CACNB2: variants seen among roughly 807,000 people sequenced by gnomAD.
CACNB2 encodes the protein calcium voltage-gated channel auxiliary subunit beta 2, also known as voltage-dependent L-type calcium channel subunit beta-2.
CACNB2 carries 42 observed loss-of-function variants against 73.3 expected under a neutral mutation model. The observed-to-expected ratio is 0.57, with a 90% CI of 0.45 to 0.74. The LOEUF is 0.74. CACNB2 is among the 30% of genes least tolerant of loss of function. The pLI, the probability that CACNB2 is intolerant of heterozygous loss-of-function variation, is 0.00. For synonymous variants in CACNB2, 348 were observed against 310.3 expected (o/e 1.12, Z -1.28); for missense variants, 940 against 853.0 (o/e 1.10, Z -1.27).
intron 9 of CACNB2, among the ~76,000 whole-genome samples, chr10:18,520,871 C>T (rs755725735): frequency 7.9e-5 from 12 of 152,206 alleles, no homozygotes; most frequent in Non-Finnish European, 1.5e-4. Flanking sequence ...CACATGCACA[C>T]ATTTGTTCTG....
intron 2 of CACNB2, among the ~76,000 whole-genome samples, chr10:18,212,360 TG>T (rs2035351708): frequency 1.4e-5 from 1 of 73,748 alleles, no homozygotes; most frequent in Non-Finnish European, 3.6e-5. Flanking sequence ...TGCCATATAT[TG>T]TGTTTTTTTG....
chr10:18,484,964 G>A (rs1431796777), intron 3 of CACNB2, among the ~76,000 whole-genome samples: 1 of 152,048 alleles, frequency 6.6e-6, no homozygotes. Context: ...AGACCAGCCT[G>A]GACAACATAG....
At chr10:18,397,984 A>C (rs1261670330) in intron 2 of CACNB2, among the ~76,000 whole-genome samples, 1 of 152,194 alleles carries the variant, frequency 6.6e-6, no homozygotes, top group Non-Finnish European at 1.5e-5. Flanking sequence ...GACAAGGACA[A>C]ATACTGCAAA....
intron 2 of CACNB2, among the ~76,000 whole-genome samples, chr10:18,334,168 G>A (rs183850087): frequency 6.6e-6 from 1 of 152,168 alleles, no homozygotes; most frequent in Admixed American, 6.5e-5. Flanking sequence ...AAGACAACTT[G>A]GGGGCAAGTG....
chr10:18,404,654 G>A (rs1044310206), intron 3 of CACNB2, among the ~76,000 whole-genome samples: 1 of 152,186 alleles, frequency 6.6e-6, no homozygotes, highest in African/African-American at 2.4e-5. Context: ...CTGTGCAGAT[G>A]ACGTTAGCAG....
At chr10:18,249,861 T>C (rs1189766536) in intron 2 of CACNB2, among the ~76,000 whole-genome samples, 1 of 152,136 alleles carries the variant, frequency 6.6e-6, no homozygotes, top group African/African-American at 2.4e-5. Context: ...GTCTCAAAAT[T>C]AATATCCCTG....
chr10:18,304,502 T>C (rs1342352710), intron 2 of CACNB2, among the ~76,000 whole-genome samples: 2 of 148,436 alleles, frequency 1.3e-5, no homozygotes, highest in Non-Finnish European at 3.0e-5. Flanking sequence ...GATAAGCCTG[T>C]GCTCTTTTTC....
intron 3 of CACNB2, among the ~76,000 whole-genome samples, chr10:18,434,768 C>T (rs1160620474): frequency 6.6e-6 from 1 of 151,878 alleles, no homozygotes; most frequent in African/African-American, 2.4e-5. Flanking sequence ...GTGTTTTTTG[C>T]ATTAGAAATT....
chr10:18,361,658 G>A (rs11013835), intron 2 of CACNB2, among the ~76,000 whole-genome samples: 62,509 of 147,210 alleles, frequency 0.42, 14,261 homozygotes, highest in East Asian at 0.95. Flanking sequence ...TATTGCTCCG[G>A]CTGGAGTGCA....
In CACNB2 at chr10:18,300,020, C is replaced by CTT. The variant is rs113228742; in HGVS notation, c.214-101892_214-101891dup. On this transcript the variant is annotated intron_variant, in intron 2 of 13. Coordinates refer to ENST00000324631, the MANE Select transcript of CACNB2 (RefSeq NM_201596.3). ...TACCCAGTGAATGCATGTTGCATTT[C>CTT]TTTTTTTTTTTTTATTTTGAGACGG... Among the ~76,000 whole-genome samples, 317 of 146,848 alleles carry CTT rather than the reference C, an allele frequency of 2.2e-3. 1 individual carries two copies. Among genetic ancestry groups the CTT allele is most frequent in the African/African-American group, 7.1e-3 (283 of 40,012 alleles).
chr10:18,473,042 G>A (rs1043918708), intron 3 of CACNB2, among the ~76,000 whole-genome samples: 5 of 152,166 alleles, frequency 3.3e-5, no homozygotes, highest in African/African-American at 1.2e-4. Context: ...TTGAAATGGT[G>A]CAGCCAAATT....
chr10:18,426,444 T>C (rs1269704743), intron 3 of CACNB2, among the ~76,000 whole-genome samples: 2 of 152,246 alleles, frequency 1.3e-5, no homozygotes, highest in African/African-American at 4.8e-5. Context: ...AGCTTTGTAT[T>C]TATCAGTCTT....
chr10:18,536,040 G>GTA lies in CACNB2; in HGVS notation c.1207-60_1207-59dup. 3.0e-6 allele frequency: 3 copies of GTA among 989,066 alleles called. No homozygotes were observed. In the African/African-American group the frequency reaches 4.8e-5, roughly 16 times the overall value. 61.3% of individuals were successfully genotyped at this position (989,066 alleles called of 1,614,324 possible). A position where few individuals can be genotyped will look rare whatever the true frequency, so the allele number is the denominator to read the frequency against. The stretch of plus-strand genomic sequence containing the variant: ...GGCCCCAGAGAAAGGAGTCAATAAT[G>GTA]TACCTTGTACTTTACCTGGATGTAG... On this transcript the variant is annotated intron_variant, in intron 11 of 13. Coordinates refer to ENST00000324631, the MANE Select transcript of CACNB2 (RefSeq NM_201596.3).
chr10:18,473,477 C>T (rs2048292188), intron 3 of CACNB2, among the ~76,000 whole-genome samples: 1 of 152,196 alleles, frequency 6.6e-6, no homozygotes, highest in Admixed American at 6.5e-5. Context: ...ACTGAAATCA[C>T]ATTTAAATTC....
intron 3 of CACNB2, among the ~76,000 whole-genome samples, chr10:18,428,136 G>T (rs1478207042): frequency 6.6e-6 from 1 of 152,094 alleles, no homozygotes; most frequent in Admixed American, 6.6e-5. Context: ...AATTCCCAAA[G>T]ATATGCAGGT....
chr10:18,366,686 T>C (rs1254935346), intron 2 of CACNB2, among the ~76,000 whole-genome samples: 3 of 151,294 alleles, frequency 2.0e-5, no homozygotes, highest in Non-Finnish European at 1.5e-5. Context: ...TCTAAAAATA[T>C]AAAAATTAGC....
intron 3 of CACNB2, among the ~76,000 whole-genome samples, chr10:18,466,511 C>G (rs901090074): frequency 6.6e-6 from 1 of 152,072 alleles, no homozygotes; most frequent in Non-Finnish European, 1.5e-5. Flanking sequence ...ACCTGTATTT[C>G]TCATCAGCTT....
intron 10 of CACNB2, among the ~76,000 whole-genome samples, 181 bp from the exon 11 acceptor site, chr10:18,533,895 T>C (rs755331633): frequency 2.0e-5 from 3 of 152,226 alleles, no homozygotes; most frequent in Non-Finnish European, 4.4e-5. Flanking sequence ...ATCCTAATGA[T>C]GTGTGGAGAA....
chr10:18,210,096 A>G (rs1328258189), intron 2 of CACNB2, among the ~76,000 whole-genome samples: 1 of 152,224 alleles, frequency 6.6e-6, no homozygotes, highest in African/African-American at 2.4e-5. Flanking sequence ...CCCGTTTGAA[A>G]GTGAACAGCT....
Sources: allele counts gnomAD v4.1 joint callset (sites outside exome capture counted in the v4.1 genomes callset), GRCh38; gene constraint gnomAD v4.1.1; transcripts MANE v1.5; gene names NCBI Gene and HGNC (gene_info 2026-07-23, HGNC 2026-07-21).